The following CAMTA1 variants were observed in gnomAD, a reference collection of about 807,000 sequenced individuals.
CAMTA1 encodes the protein calmodulin binding transcription activator 1.
Under a neutral mutation model 170.9 loss-of-function variants are expected in CAMTA1, and 27 were observed. The observed-to-expected ratio is 0.16, with a 90% CI of 0.12 to 0.22. CAMTA1 has a LOEUF of 0.22. Among genes scored for constraint, CAMTA1 ranks in the 10% least tolerant of loss-of-function variants. CAMTA1 has a pLI of 1.00. For missense variants in CAMTA1, 1,619 were observed against 2,217.2 expected, an observed-to-expected ratio of 0.73 and a Z score of 5.42; for synonymous variants, 833 against 891.5, an observed-to-expected ratio of 0.93 and a Z score of 1.17.
rs143612664 is a variant in CAMTA1 at position 7,031,777 on chromosome 1, G to T, written c.235-59527G>T. Among the ~76,000 whole-genome samples, 783 of 151,818 alleles carry T rather than the reference G, an allele frequency of 5.2e-3. 5 individuals carry two copies. The highest frequency in any genetic ancestry group is 0.018 in the African/African-American group (749 of 41,362). ...AGGATGGTGTTGATCTCCTGACCTT[G>T]TGATCTGCCCACCTTGGCCTCCTGA... is the stretch of plus-strand genomic sequence containing the variant. On this transcript the variant is annotated intron_variant, in intron 3 of 22. Coordinates refer to ENST00000303635, the MANE Select transcript of CAMTA1 (RefSeq NM_015215.4).
intron 5 of CAMTA1, among the ~76,000 whole-genome samples, chr1:7,278,873 T>C (rs1489149905): frequency 3.9e-5 from 6 of 152,172 alleles, no homozygotes; most frequent in Non-Finnish European, 7.3e-5. Flanking sequence ...AGAGGAAAAG[T>C]GCAGGAACTC....
intron 11 of CAMTA1, among the ~76,000 whole-genome samples, chr1:7,726,569 T>G (rs1270957315): frequency 1.3e-5 from 2 of 152,218 alleles, no homozygotes; most frequent in Admixed American, 6.5e-5. Flanking sequence ...GGTAAAATGC[T>G]TAGGATGGTG....
intron 4 of CAMTA1, among the ~76,000 whole-genome samples, chr1:7,147,423 CA>C (rs59259023): frequency 0.52 from 68,116 of 130,798 alleles, 17,539 homozygotes; most frequent in African/African-American, 0.71. Context: ...GACTCCGTCT[CA>C]AAAAAAAAAA....
chr1:7,019,417 A>C (rs1438939835), intron 3 of CAMTA1, among the ~76,000 whole-genome samples: 1 of 152,216 alleles, frequency 6.6e-6, no homozygotes, highest in Non-Finnish European at 1.5e-5. Context: ...GTGTAAATTC[A>C]GCATGATCCT....
At chr1:6,946,064 A>C (rs1353644444) in intron 3 of CAMTA1, among the ~76,000 whole-genome samples, 11 of 152,108 alleles carry the variant, frequency 7.2e-5, no homozygotes, top group Non-Finnish European at 1.5e-5. Context: ...TCCATGTTTA[A>C]CCTTTTGAGG....
intron 5 of CAMTA1, among the ~76,000 whole-genome samples, chr1:7,356,543 T>G (rs935132220): frequency 6.6e-6 from 1 of 152,106 alleles, no homozygotes; most frequent in Non-Finnish European, 1.5e-5. Flanking sequence ...AATTTGGAAG[T>G]GTGCATGAGT....
intron 11 of CAMTA1, among the ~76,000 whole-genome samples, chr1:7,723,476 A>G (rs1227072677): frequency 2.6e-5 from 4 of 152,224 alleles, no homozygotes; most frequent in Non-Finnish European, 4.4e-5. Context: ...CTTACAGGAG[A>G]ACTCCAAATA....
intron 4 of CAMTA1, among the ~76,000 whole-genome samples, chr1:7,230,090 A>C (rs1273073875): frequency 6.6e-6 from 1 of 152,128 alleles, no homozygotes; most frequent in African/African-American, 2.4e-5. Flanking sequence ...AGGAGCACCC[A>C]GAAAGCCGGT....
chr1:6,887,889 C>T lies in CAMTA1; in HGVS notation c.234+62679C>T. On this transcript the variant is annotated intron_variant, in intron 3 of 22. Coordinates refer to ENST00000303635, the MANE Select transcript of CAMTA1 (RefSeq NM_015215.4). The surrounding 1 kb of genome is among the most constrained non-coding windows in gnomAD (Gnocchi z 4.1). ...AAATGAAATAGAATAAAGTGACCTA[C>T]TCTTGCCTCATCCGGAGTTATTACG... 2.1e-6 allele frequency: 3 copies of T among 1,395,356 alleles called. No individual in the cohort carries two copies. The highest frequency in any genetic ancestry group is 2.8e-6 in the Non-Finnish European group (3 of 1,073,666). The allele number at this position is 1,395,356 out of a possible 1,614,324, so 86.4% of individuals were successfully genotyped here.
chr1:7,352,122 G>A (rs184327858), intron 5 of CAMTA1, among the ~76,000 whole-genome samples: 7 of 144,956 alleles, frequency 4.8e-5, no homozygotes, highest in Admixed American at 3.3e-4. Context: ...CCAGGAGAGA[G>A]GGAAGGAGGA....
intron 5 of CAMTA1, among the ~76,000 whole-genome samples, chr1:7,425,809 C>T (rs2091848051): frequency 6.6e-6 from 1 of 152,118 alleles, no homozygotes. Context: ...GAGGGGACTC[C>T]CAGTCTCCCT....
Position 6,911,620 on chromosome 1 carries a change from C to T in CAMTA1, c.234+86410C>T, listed in dbSNP as rs143045203. ...TAAATGATCTGTAAGACAGGTAGAC[C>T]TTCATAGGGCTGAGAAGCCCCCTGT... On this transcript the variant is annotated intron_variant, in intron 3 of 22. Transcript: ENST00000303635. Among the ~76,000 whole-genome samples, 5 of 152,274 alleles carry T rather than the reference C, an allele frequency of 3.3e-5. No homozygotes were observed. In the East Asian group the frequency reaches 7.7e-4, roughly 24 times the overall value.
chr1:6,917,588 G>T (rs1003871166), intron 3 of CAMTA1, among the ~76,000 whole-genome samples: 5 of 152,020 alleles, frequency 3.3e-5, no homozygotes, highest in Non-Finnish European at 7.4e-5. Context: ...GTTAAGGACA[G>T]CCCTGAGGTC....
intron 11 of CAMTA1, among the ~76,000 whole-genome samples, chr1:7,711,420 A>G (rs2149666562): frequency 6.6e-6 from 1 of 152,224 alleles, no homozygotes; most frequent in East Asian, 1.9e-4. Context: ...GAAGGAAGGG[A>G]CGCTAGGGGG....
intron 4 of CAMTA1, among the ~76,000 whole-genome samples, chr1:7,148,438 CG>C (rs1646373334): frequency 6.7e-6 from 1 of 149,742 alleles, no homozygotes; most frequent in South Asian, 2.1e-4. Flanking sequence ...CCCCCCGCCA[CG>C]CTCCCCGCCA....
intron 1 of CAMTA1, among the ~76,000 whole-genome samples, chr1:6,808,718 G>A (rs1644817903): frequency 6.6e-6 from 1 of 152,102 alleles, no homozygotes. Flanking sequence ...CTTAGTAAAT[G>A]CTTGTTGGCT....
At chr1:7,413,761 CT>C (rs2149273058) in intron 5 of CAMTA1, among the ~76,000 whole-genome samples, 1 of 152,236 alleles carries the variant, frequency 6.6e-6, no homozygotes, top group Admixed American at 6.5e-5. Context: ...CTTCTCCTGC[CT>C]AATTGCCCTG....
At chr1:6,926,444 CTTTCTT>C (rs1683169566) in intron 3 of CAMTA1, among the ~76,000 whole-genome samples, 3 of 51,870 alleles carry the variant, frequency 5.8e-5, no homozygotes, top group Non-Finnish European at 1.1e-4. Context: ...TTTTCTCTTT[CTTTCTT>C]TCTTTCTTTC....
At chr1:7,143,827 G>A (rs867631397) in intron 4 of CAMTA1, among the ~76,000 whole-genome samples, 3 of 152,226 alleles carry the variant, frequency 2.0e-5, no homozygotes, top group Middle Eastern at 3.4e-3. Context: ...TTGTATGAAC[G>A]CATATAAAGT....
Sources: allele counts gnomAD v4.1 joint callset (sites outside exome capture counted in the v4.1 genomes callset), GRCh38; gene constraint gnomAD v4.1.1; non-coding constraint Gnocchi (gnomAD v3.1); transcripts MANE v1.5; gene names NCBI Gene and HGNC (gene_info 2026-07-23, HGNC 2026-07-21).